PSD3: variants seen among roughly 807,000 people sequenced by gnomAD.
PSD3 encodes pleckstrin and Sec7 domain containing 3, also known as PH and SEC7 domain-containing protein 3.
In PSD3, 49 loss-of-function variants were observed where a neutral mutation model predicts 105.5. The ratio of observed to expected loss-of-function variants is 0.46; its 90% CI spans 0.37 to 0.59. PSD3 has a LOEUF of 0.59. Ranked by LOEUF, PSD3 falls within the 20% of genes least tolerant of loss-of-function variation. The probability of loss-of-function intolerance (pLI) is 0.00; values close to 1 mark genes in which losing one functional copy is unlikely to be tolerated. For missense variants in PSD3, 1,561 were observed against 1,263.8 expected, an observed-to-expected ratio of 1.24 and a Z score of -3.57; for synonymous variants, 557 against 457.8, an observed-to-expected ratio of 1.22 and a Z score of -2.77.
chr8:18,872,070 C>T lies in PSD3; in HGVS notation c.794G>A (p.Ser265Asn). 1.2e-6 allele frequency: 2 copies of T among 1,614,180 alleles called. No homozygotes were observed. Among genetic ancestry groups the T allele is most frequent in the Non-Finnish European group, 1.7e-6 (2 of 1,180,038 alleles). The change falls in exon 3 of 16, where the codon AGT (serine) becomes AAT (asparagine). Residue 265 changes from serine (S) to asparagine (N), a missense_variant. By Grantham distance (46) the Ser-to-Asn change is conservative. Coordinates refer to ENST00000327040, the MANE Select transcript of PSD3 (RefSeq NM_015310.4). The part of the protein sequence containing the change: ...SSAVTCHSAG[S>N]VGFLKEQRSA... ...CCTCTGCTCTTTCAAGAAACCAACA[C>T]TGCCTGCAGAGTGGCAGGTCACTGC...
intron 9 of PSD3, among the ~76,000 whole-genome samples, chr8:18,744,778 A>G (rs1311569579): frequency 6.6e-6 from 1 of 152,180 alleles, no homozygotes; most frequent in Admixed American, 6.5e-5. Context: ...AAATTTCACC[A>G]GTTTCCCCAT....
chr8:18,877,523 T>C (rs1325001223), intron 2 of PSD3, among the ~76,000 whole-genome samples: 1 of 151,012 alleles, frequency 6.6e-6, no homozygotes, highest in Non-Finnish European at 1.5e-5. Context: ...TCAAGTCCAT[T>C]GAGCTAGATG....
At chr8:18,946,310 C>G (rs1293709790) in intron 1 of PSD3, among the ~76,000 whole-genome samples, 3 of 152,076 alleles carry the variant, frequency 2.0e-5, no homozygotes, top group Non-Finnish European at 4.4e-5. Context: ...GGTGCGGTGG[C>G]TCATGCTGTA....
At chr8:18,732,421 G>C (rs1303389372) in intron 9 of PSD3, among the ~76,000 whole-genome samples, 2 of 152,350 alleles carry the variant, frequency 1.3e-5, no homozygotes, top group East Asian at 3.9e-4. Context: ...CAGTTCATTT[G>C]CTAGAGATTC....
chr8:18,790,896 A>C (rs1281212477), intron 8 of PSD3, among the ~76,000 whole-genome samples: 1 of 152,214 alleles, frequency 6.6e-6, no homozygotes, highest in Non-Finnish European at 1.5e-5. Flanking sequence ...TACAAAGATC[A>C]ATGTGCAAAA....
intron 1 of PSD3, among the ~76,000 whole-genome samples, chr8:18,963,177 C>T (rs1824027698): frequency 6.6e-6 from 1 of 152,184 alleles, no homozygotes; most frequent in South Asian, 2.1e-4. Flanking sequence ...ACTATGACAA[C>T]AGTATGGGGG....
intron 2 of PSD3, among the ~76,000 whole-genome samples, chr8:18,903,030 C>T (rs1819609344): frequency 1.3e-5 from 2 of 152,138 alleles, no homozygotes; most frequent in South Asian, 4.1e-4. Flanking sequence ...CCTCCTGTGG[C>T]ACCTGCATCT....
At chr8:18,819,118 G>C (rs1812475627) in intron 4 of PSD3, among the ~76,000 whole-genome samples, 1 of 152,174 alleles carries the variant, frequency 6.6e-6, no homozygotes, top group Non-Finnish European at 1.5e-5. Flanking sequence ...GGTACCCAGA[G>C]ACAGAACTCC....
At chr8:19,003,137 C>T (rs1586612235) in intron 1 of PSD3, among the ~76,000 whole-genome samples, 1 of 151,974 alleles carries the variant, frequency 6.6e-6, no homozygotes, top group South Asian at 2.1e-4. Flanking sequence ...CAGATAGAAG[C>T]AAATCAGACT....
chr8:18,956,293 C>G (rs1345026559), intron 1 of PSD3, among the ~76,000 whole-genome samples: 1 of 152,106 alleles, frequency 6.6e-6, no homozygotes, highest in East Asian at 1.9e-4. Context: ...CTGGGGTGGG[C>G]ATGCACAACA....
At chr8:18,774,608 G>A in intron 8 of PSD3, 2 of 376,482 alleles carry the variant, frequency 5.3e-6, no homozygotes, top group South Asian at 4.4e-5. Flanking sequence ...GCTGCTTCTT[G>A]GTCTTCAGGT....
chr8:19,015,898 A>T (rs1169945372), upstream of PSD3, among the ~76,000 whole-genome samples: 3 of 152,250 alleles, frequency 2.0e-5, no homozygotes, highest in African/African-American at 7.2e-5. Flanking sequence ...TGAAGCCAAA[A>T]TATTTTAAGA....
chr8:19,013,726 C>T (rs1656613041), upstream of PSD3: 1 of 654,682 alleles, frequency 1.5e-6, no homozygotes, highest in Non-Finnish European at 2.0e-6. Context: ...CCCGCGCGCA[C>T]CCTGGCGGAG....
At chr8:18,684,105 C>T in intron 9 of PSD3, 1 of 553,930 alleles carries the variant, frequency 1.8e-6, no homozygotes, top group Non-Finnish European at 3.2e-6. Context: ...TCTTCAACTA[C>T]CCTGTTTGCA....
At chr8:18,821,180 T>C (rs1812667354) in intron 4 of PSD3, among the ~76,000 whole-genome samples, 1 of 152,008 alleles carries the variant, frequency 6.6e-6, no homozygotes, top group African/African-American at 2.4e-5. Context: ...GAAATTCTTT[T>C]TTTTTTTTGA....
chr8:18,748,324 AT>A (rs1481486760), intron 9 of PSD3, among the ~76,000 whole-genome samples: 1 of 152,190 alleles, frequency 6.6e-6, no homozygotes, highest in Non-Finnish European at 1.5e-5. Context: ...TTATAAATAA[AT>A]TAGGTGAAAA....
intron 9 of PSD3, among the ~76,000 whole-genome samples, chr8:18,748,477 G>T (rs1267469432): frequency 1.3e-5 from 2 of 151,384 alleles, no homozygotes. Flanking sequence ...TGGCTAACAC[G>T]GTGAAACCCC....
chr8:18,601,098 G>A (rs11203970), intron 11 of PSD3, among the ~76,000 whole-genome samples: 66,101 of 151,946 alleles, frequency 0.44, 14,564 homozygotes, highest in South Asian at 0.58. Context: ...CGAGTATACT[G>A]CAAGACAGAC....
chr8:19,023,101 G>A (rs1019902986), intron 1 of PSD3, among the ~76,000 whole-genome samples: 3 of 152,114 alleles, frequency 2.0e-5, no homozygotes, highest in Admixed American at 1.3e-4. Flanking sequence ...ATATTTGAAG[G>A]TAATAATTCT....
Sources: gnomAD v4.1 joint callset for allele counts (sites outside exome capture counted in the v4.1 genomes callset) on GRCh38, gnomAD v4.1.1 for gene constraint, MANE v1.5 for transcripts, NCBI Gene and HGNC (gene_info 2026-07-23, HGNC 2026-07-21) for gene names.